Variants in ANK2 observed in about 807,000 individuals in gnomAD.
ANK2 encodes the protein ankyrin 2, also known as ankyrin-2.
Under a neutral mutation model 360.5 loss-of-function variants are expected in ANK2, and 83 were observed. The observed-to-expected ratio is 0.23, with a 90% CI of 0.19 to 0.28. The LOEUF (loss-of-function observed/expected upper bound fraction) is 0.28, where lower values mean the gene tolerates loss of function less well. ANK2 is among the 10% of genes least tolerant of loss of function. ANK2 has a pLI of 1.00. For synonymous variants in ANK2, 1,740 were observed against 1,759.5 expected (o/e 0.99, Z 0.28); for missense variants, 4,201 against 4,795.7 (o/e 0.88, Z 3.66).
At chr4:113,136,416 C>A (rs1245904311) in intron 1 of ANK2, among the ~76,000 whole-genome samples, 1 of 152,106 alleles carries the variant, frequency 6.6e-6, no homozygotes, top group Non-Finnish European at 1.5e-5. Context: ...CTGGAATACG[C>A]TAGGAATGGT....
chr4:112,975,415 T>A (rs2041047401), intron 2 of ANK2, among the ~76,000 whole-genome samples: 1 of 152,188 alleles, frequency 6.6e-6, no homozygotes, highest in African/African-American at 2.4e-5. Flanking sequence ...ATATGAAGGT[T>A]ACTTGAAAGG....
At chr4:113,151,731 C>A (rs1403112017) in intron 1 of ANK2, among the ~76,000 whole-genome samples, 1 of 151,884 alleles carries the variant, frequency 6.6e-6, no homozygotes, top group Non-Finnish European at 1.5e-5. Context: ...TTCTCTATAT[C>A]AAGTTGTACA....
intron 2 of ANK2, among the ~76,000 whole-genome samples, chr4:112,932,372 A>G (rs2093330883): frequency 6.6e-6 from 1 of 151,916 alleles, no homozygotes; most frequent in African/African-American, 2.4e-5. Context: ...CGTGCCTGTA[A>G]TCCCAGCTAC....
At chr4:113,089,301 A>G (rs594125) in intron 1 of ANK2, among the ~76,000 whole-genome samples, 2,655 of 152,312 alleles carry the variant, frequency 0.017, 72 homozygotes, top group African/African-American at 0.061. Context: ...ATGTTGTATT[A>G]TTACCAAAGC....
chr4:113,372,699 A>G lies in ANK2; in HGVS notation c.11611-391A>G, dbSNP rs78114447. 8,621 of 1,080,558 alleles carry G rather than the reference A, an allele frequency of 8.0e-3. 68 individuals carry two copies. The highest frequency in any genetic ancestry group is 0.019 in the African/African-American group (1,228 of 64,254). 66.9% of individuals were successfully genotyped at this position (1,080,558 alleles called of 1,614,324 possible). On this transcript the variant is annotated intron_variant, in intron 43 of 45. Coordinates refer to ENST00000357077, the MANE Select transcript of ANK2 (RefSeq NM_001148.6). ...TTCTAAGAGTGATCAACCTGGATCAATGAAGGCTTGGCATGTTCCTTAGGT... is the reference window on the plus strand; with the variant it reads ...TTCTAAGAGTGATCAACCTGGATCAGTGAAGGCTTGGCATGTTCCTTAGGT...
chr4:113,295,724 C>T lies in ANK2; in HGVS notation c.2475+2186C>T, dbSNP rs1197965926. ...AGCATTTCTCCTTTCAGTTAGGACACTAAGAAATCATTGTCCACATGAGCT... is the reference window on the plus strand; with the variant it reads ...AGCATTTCTCCTTTCAGTTAGGACATTAAGAAATCATTGTCCACATGAGCT... On this transcript the variant is annotated intron_variant, in intron 22 of 45. Transcript: ENST00000357077. Among the ~76,000 whole-genome samples the T allele has an allele frequency of 3.3e-5, 5 of 152,294 alleles. No homozygotes were observed. The East Asian group carries it at 9.6e-4, about 29-fold the overall frequency.
chr4:112,909,823 G>A (rs1468251390), intron 2 of ANK2, among the ~76,000 whole-genome samples: 1 of 152,108 alleles, frequency 6.6e-6, no homozygotes, highest in Non-Finnish European at 1.5e-5. Context: ...AAGTTCTAAT[G>A]AGCTCATTCA....
chr4:113,355,764 G>A lies in ANK2; in HGVS notation c.7146G>A (p.Leu2382=). ...CCACCTCAGACGAGACAAAGGCCTT[G>A]CCGCTGCCTGAGGCTTCTGTAAAGA... ...STATSDETKA[L]PLPEASVKTD... is the part of the protein sequence containing the mutation. The change falls in exon 38 of 46, where the codon TTG becomes TTA. Residue 2382 remains leucine, a synonymous_variant. Coordinates refer to ENST00000357077, the MANE Select transcript of ANK2 (RefSeq NM_001148.6). 1 of 1,614,106 alleles carries A rather than the reference G, an allele frequency of 6.2e-7. No homozygotes were observed. Among genetic ancestry groups the A allele is most frequent in the South Asian group, 1.1e-5 (1 of 91,082 alleles).
intron 1 of ANK2, among the ~76,000 whole-genome samples, chr4:113,163,966 C>T (rs189135432): frequency 6.6e-6 from 1 of 152,172 alleles, no homozygotes; most frequent in African/African-American, 2.4e-5. Context: ...AGTCATTCTC[C>T]ATTTCTCTAC....
rs1335434076 is a variant in ANK2 at position 113,357,097 on chromosome 4, C to A, written c.8479C>A (p.Leu2827Ile). 6.2e-7 allele frequency: 1 copy of A among 1,614,068 alleles called. No homozygotes were observed. Among genetic ancestry groups the A allele is most frequent in the Non-Finnish European group, 8.5e-7 (1 of 1,179,970 alleles). ...THEKDTEGEE[L>I]DVSRAESPQA... ...TGAAAAAGACACAGAGGGAGAAGAG[C>A]TTGATGTTTCTAGAGCAGAATCTCC... Residue 2827 changes from leucine to isoleucine, a missense_variant, in exon 38 of 46, where the codon CTT (leucine) becomes ATT (isoleucine). Leu to Ile is a conservative substitution (Grantham distance 5). This residue lies in a region of ANK2 where 2,642 missense variants were observed against 2,714.5 expected (regional missense o/e 0.97). Coordinates refer to ENST00000357077, the MANE Select transcript of ANK2 (RefSeq NM_001148.6).
chr4:112,849,562 T>G (rs1284345579), intron 1 of ANK2, among the ~76,000 whole-genome samples: 1 of 152,230 alleles, frequency 6.6e-6, no homozygotes, highest in African/African-American at 2.4e-5. Flanking sequence ...CTAGTTAATA[T>G]GCTGCCTCTA....
chr4:113,375,295 G>A (rs2096884973), intron 45 of ANK2, among the ~76,000 whole-genome samples: 2 of 152,166 alleles, frequency 1.3e-5, no homozygotes, highest in Non-Finnish European at 2.9e-5. Flanking sequence ...TAAAGACATT[G>A]CAAATTATAT....
chr4:112,843,803 G>C (rs977425705), intron 1 of ANK2, among the ~76,000 whole-genome samples: 2 of 151,950 alleles, frequency 1.3e-5, no homozygotes, highest in African/African-American at 4.8e-5. Flanking sequence ...ACGTTACCCT[G>C]AAAAAATAAA....
At chr4:113,033,119 C>T (rs2060769567) in intron 2 of ANK2, among the ~76,000 whole-genome samples, 1 of 151,946 alleles carries the variant, frequency 6.6e-6, no homozygotes, top group African/African-American at 2.4e-5. Flanking sequence ...TACATATTAC[C>T]TGGCCTTAGG....
chr4:113,142,599 C>T (rs530593916), intron 1 of ANK2, among the ~76,000 whole-genome samples: 20 of 152,100 alleles, frequency 1.3e-4, no homozygotes, highest in Admixed American at 5.9e-4. Context: ...TAAGCTTTAG[C>T]AGTGGGGTTC....
At chr4:112,973,911 A>G (rs2154267650) in intron 2 of ANK2, among the ~76,000 whole-genome samples, 1 of 152,344 alleles carries the variant, frequency 6.6e-6, no homozygotes, top group South Asian at 2.1e-4. Context: ...AGAAAACCCG[A>G]AACTACTCAT....
chr4:112,729,085 T>C, the ANK2 span, among the ~76,000 whole-genome samples: 1 of 151,932 alleles, frequency 6.6e-6, no homozygotes, highest in Non-Finnish European at 1.5e-5. Context: ...CACATGCATG[T>C]GGTGCTTAGG....
chr4:112,844,714 A>G (rs565964577), intron 1 of ANK2, among the ~76,000 whole-genome samples: 25 of 152,370 alleles, frequency 1.6e-4, no homozygotes, highest in African/African-American at 5.3e-4. Context: ...TAGTTCTTAA[A>G]AATATTTGTC....
At chr4:112,830,482 A>G (rs567900799) in intron 1 of ANK2, among the ~76,000 whole-genome samples, 51 of 152,376 alleles carry the variant, frequency 3.3e-4, no homozygotes, top group African/African-American at 1.2e-3. Context: ...AGAAGGGAAC[A>G]TTAGACACTG....
Sources: gnomAD v4.1 joint callset for allele counts (sites outside exome capture counted in the v4.1 genomes callset) on GRCh38, gnomAD v4.1.1 for gene constraint, gnomAD v4.1.1 regional missense constraint, MANE v1.5 for transcripts, NCBI Gene and HGNC (gene_info 2026-07-23, HGNC 2026-07-21) for gene names.